The following AGBL3 variants were observed in gnomAD, a reference collection of about 807,000 sequenced individuals.
The protein encoded by AGBL3 is AGBL carboxypeptidase 3.
Under a neutral mutation model 94.5 loss-of-function variants are expected in AGBL3, and 68 were observed. The ratio of observed to expected loss-of-function variants is 0.72; its 90% CI spans 0.59 to 0.88. The LOEUF (loss-of-function observed/expected upper bound fraction) is 0.88, where lower values mean the gene tolerates loss of function less well. Ranked by LOEUF, AGBL3 falls within the 40% of genes least tolerant of loss-of-function variation. AGBL3 has a pLI of 0.00. For synonymous variants in AGBL3, 354 were observed against 370.7 expected (o/e 0.95, Z 0.52); for missense variants, 934 against 1,103.8 (o/e 0.85, Z 2.18).
chr7:135,076,123 C>T (rs1300620519), intron 12 of AGBL3, among the ~76,000 whole-genome samples: 1 of 152,140 alleles, frequency 6.6e-6, no homozygotes, highest in East Asian at 1.9e-4. Flanking sequence ...GCCTCTCCAG[C>T]TTTAAAGCGA....
At chr7:135,005,016 T>G (rs1812206613) in intron 4 of AGBL3, among the ~76,000 whole-genome samples, 1 of 151,644 alleles carries the variant, frequency 6.6e-6, no homozygotes, top group African/African-American at 2.4e-5. Flanking sequence ...GCAGAGAAAT[T>G]GAAAGGATCG....
rs371133840 is a variant in AGBL3 at position 135,027,069 on chromosome 7, G to A, written c.419-5775G>A. ...TTTACTTTTTATTTGAATTTTTGGAGACAGAGCCTCGCTCTGTCACCCAGG... is the reference window on the plus strand; with the variant it reads ...TTTACTTTTTATTTGAATTTTTGGAAACAGAGCCTCGCTCTGTCACCCAGG... On this transcript the variant is annotated intron_variant, in intron 5 of 16. Transcript: ENST00000436302. 4.0e-5 allele frequency among the ~76,000 whole-genome samples: 6 copies of A among 151,550 alleles called. 1 individual carries two copies. In the South Asian group the frequency reaches 1.3e-3, roughly 32 times the overall value.
intron 12 of AGBL3, among the ~76,000 whole-genome samples, chr7:135,066,171 T>C (rs1427134667): frequency 2.0e-5 from 3 of 152,122 alleles, no homozygotes; most frequent in African/African-American, 7.2e-5. Flanking sequence ...AAGAAAATAT[T>C]TAATAGCAGG....
Position 135,102,759 on chromosome 7 carries a change from C to CA in AGBL3, c.2111-12612dup, listed in dbSNP as rs371654709. Among the ~76,000 whole-genome samples the CA allele has an allele frequency of 8.5e-3, 1,265 of 148,408 alleles. 5 individuals carry two copies. Among genetic ancestry groups the CA allele is most frequent in the Middle Eastern group, 0.027 (8 of 292 alleles). On this transcript the variant is annotated intron_variant, in intron 15 of 16. Transcript: ENST00000436302. Reference sequence around the variant, plus strand: ...CCCTAACCCTTGTCTTACACCATAGCAAAAAAAAATTAACTCAAAATGGAT... The same window carrying CA: ...CCCTAACCCTTGTCTTACACCATAGCAAAAAAAAAATTAACTCAAAATGGAT...
In AGBL3 at chr7:135,078,033, A is replaced by AT. The variant is rs200889055; in HGVS notation, c.1980+1567dup. The stretch of plus-strand genomic sequence containing the variant: ...CTACCTACTGCAACAACACTGGTAG[A>AT]TTCATTGGAGCTACAAGCTAAACTG... On this transcript the variant is annotated intron_variant, in intron 13 of 16. Transcript: ENST00000436302. Among the ~76,000 whole-genome samples, 1,074 of 152,326 alleles carry AT rather than the reference A, an allele frequency of 7.1e-3. 15 individuals are homozygous for AT. Among genetic ancestry groups the AT allele is most frequent in the African/African-American group, 0.025 (1,024 of 41,570 alleles).
Position 135,032,841 on chromosome 7 carries a change from C to T in AGBL3, c.419-3C>T. 3 of 1,543,000 alleles carry T rather than the reference C, an allele frequency of 1.9e-6. No homozygotes were observed. Among genetic ancestry groups the T allele is most frequent in the South Asian group, 1.2e-5 (1 of 82,046 alleles). On this transcript the variant is annotated splice_region_variant and splice_polypyrimidine_tract_variant and intron_variant, in intron 5 of 16. Coordinates refer to ENST00000436302, the MANE Select transcript of AGBL3 (RefSeq NM_178563.4). Reference sequence around the variant, plus strand: ...CATCTTTATGATCTTCTTCTCTCATCAGCTTACAAAGAGCCCTGTTTTGTG... The same window carrying T: ...CATCTTTATGATCTTCTTCTCTCATTAGCTTACAAAGAGCCCTGTTTTGTG...
chr7:135,045,934 A>G (rs1413518638), intron 11 of AGBL3, 23 bp downstream of exon 11: 2 of 1,402,592 alleles, frequency 1.4e-6, no homozygotes, highest in Non-Finnish European at 2.0e-6. Flanking sequence ...TGCTGAAGTA[A>G]TGCAATTTGT....
At chr7:135,009,021 A>T (rs1812765337) in intron 4 of AGBL3, among the ~76,000 whole-genome samples, 2 of 152,172 alleles carry the variant, frequency 1.3e-5, no homozygotes, top group Non-Finnish European at 2.9e-5. Context: ...ACCCTTATAC[A>T]CTGCTGTTGG....
intron 16 of AGBL3, among the ~76,000 whole-genome samples, chr7:135,134,131 C>T (rs994179273): frequency 2.0e-5 from 3 of 152,030 alleles, no homozygotes; most frequent in African/African-American, 7.2e-5. Flanking sequence ...GCAGTGTTCT[C>T]TATCTTGACT....
At chr7:135,128,746 G>A in intron 16 of AGBL3, 3 of 1,372,854 alleles carry the variant, frequency 2.2e-6, no homozygotes, top group Non-Finnish European at 1.0e-6. Flanking sequence ...GACAGCTCAA[G>A]CCTCTCCCAA....
chr7:135,111,310 C>T (rs1183659100), intron 15 of AGBL3, among the ~76,000 whole-genome samples: 4 of 152,212 alleles, frequency 2.6e-5, no homozygotes, highest in African/African-American at 4.8e-5. Flanking sequence ...AGCCAACATT[C>T]ATTACCTTCA....
chr7:134,996,902 A>G (rs1052728601), intron 4 of AGBL3, among the ~76,000 whole-genome samples: 1 of 152,208 alleles, frequency 6.6e-6, no homozygotes, highest in African/African-American at 2.4e-5. Flanking sequence ...CTCATATTCA[A>G]TAATTTGCTA....
chr7:135,046,106 T>C (rs1817332575), intron 11 of AGBL3, among the ~76,000 whole-genome samples, 195 bp downstream of exon 11: 1 of 152,216 alleles, frequency 6.6e-6, no homozygotes, highest in Non-Finnish European at 1.5e-5. Flanking sequence ...TGAACATTGC[T>C]ATGTACAGTG....
chr7:135,021,522 G>A (rs28861692), intron 5 of AGBL3, among the ~76,000 whole-genome samples: 62,425 of 151,210 alleles, frequency 0.41, 13,242 homozygotes, highest in South Asian at 0.52. Context: ...TCGATCTCCT[G>A]ACCTTGTGAT....
At chr7:135,108,120 G>C (rs1825039935) in intron 15 of AGBL3, among the ~76,000 whole-genome samples, 1 of 152,078 alleles carries the variant, frequency 6.6e-6, no homozygotes, top group Non-Finnish European at 1.5e-5. Flanking sequence ...CATGTGAGAT[G>C]GGTCTCTAGA....
At chr7:135,030,627 ATTTGAGAAAATT>A (rs1815633096) in intron 5 of AGBL3, among the ~76,000 whole-genome samples, 1 of 152,166 alleles carries the variant, frequency 6.6e-6, no homozygotes, top group Admixed American at 6.5e-5. Context: ...TTGCACCAAA[ATTTGAGAAAATT>A]TCAGCCATTA....
chr7:134,995,741 T>C (rs1810930197), intron 4 of AGBL3, among the ~76,000 whole-genome samples: 1 of 152,226 alleles, frequency 6.6e-6, no homozygotes, highest in African/African-American at 2.4e-5. Flanking sequence ...AGAGTCATGA[T>C]GTCACACAGC....
At chr7:135,002,925 C>T (rs1433627273) in intron 4 of AGBL3, among the ~76,000 whole-genome samples, 4 of 152,144 alleles carry the variant, frequency 2.6e-5, no homozygotes, top group Non-Finnish European at 1.5e-5. Flanking sequence ...TTTTTCTTCT[C>T]GATCTCTAAG....
At chr7:135,006,236 G>A (rs902106324) in intron 4 of AGBL3, among the ~76,000 whole-genome samples, 1 of 151,622 alleles carries the variant, frequency 6.6e-6, no homozygotes, top group Non-Finnish European at 1.5e-5. Context: ...TTTTAAAAAA[G>A]CTTTCCCAGA....
Sources: allele counts gnomAD v4.1 joint callset (sites outside exome capture counted in the v4.1 genomes callset), GRCh38; gene constraint gnomAD v4.1.1; transcripts MANE v1.5; gene names NCBI Gene and HGNC (gene_info 2026-07-23, HGNC 2026-07-21).